Variants in STIM2 observed in about 807,000 individuals in gnomAD.
STIM2 encodes the protein stromal interaction molecule 2.
STIM2 carries 31 observed loss-of-function variants against 85.8 expected under a neutral mutation model. The ratio of observed to expected loss-of-function variants is 0.36; its 90% CI spans 0.27 to 0.49. The LOEUF is 0.49. STIM2 is among the 20% of genes least tolerant of loss of function. The pLI, the probability that STIM2 is intolerant of heterozygous loss-of-function variation, is 0.98. For synonymous variants in STIM2, 356 were observed against 331.1 expected (o/e 1.08, Z -0.82); for missense variants, 841 against 927.6 (o/e 0.91, Z 1.21).
At chr4:26,979,248 A>T (rs1361585530) in intron 3 of STIM2, among the ~76,000 whole-genome samples, 1 of 152,178 alleles carries the variant, frequency 6.6e-6, no homozygotes, top group Non-Finnish European at 1.5e-5. Context: ...GGTATTTTTA[A>T]AAGCATCAAT....
chr4:26,961,001 C>G (rs10939143), intron 3 of STIM2, among the ~76,000 whole-genome samples: 37,512 of 148,840 alleles, frequency 0.25, 4,809 homozygotes, highest in East Asian at 0.38. Context: ...GAGTGCGCTA[C>G]TGCACTCCGT....
chr4:26,873,967 TC>T, intron 1 of STIM2: 1 of 1,086,012 alleles, frequency 9.2e-7, no homozygotes, highest in Non-Finnish European at 1.4e-6. Context: ...GAGTCAGGGA[TC>T]CACTGCTCTT....
At chr4:26,931,580 T>A (rs1725206132) in intron 2 of STIM2, among the ~76,000 whole-genome samples, 1 of 152,138 alleles carries the variant, frequency 6.6e-6, no homozygotes, top group Non-Finnish European at 1.5e-5. Flanking sequence ...AGTTATCTAT[T>A]GAGTAGAGCT....
intron 3 of STIM2, among the ~76,000 whole-genome samples, chr4:26,966,336 T>C (rs1183837990): frequency 1.3e-5 from 2 of 152,160 alleles, no homozygotes; most frequent in African/African-American, 4.8e-5. Flanking sequence ...ACTCAGGAAA[T>C]AGTTTTAGAT....
chr4:26,984,419 A>G (rs1409376610), intron 3 of STIM2, among the ~76,000 whole-genome samples: 1 of 152,204 alleles, frequency 6.6e-6, no homozygotes, highest in African/African-American at 2.4e-5. Flanking sequence ...GGAATGCAGT[A>G]GCGTGATCTC....
At chr4:26,967,149 G>T (rs191935304) in intron 3 of STIM2, among the ~76,000 whole-genome samples, 1 of 152,096 alleles carries the variant, frequency 6.6e-6, no homozygotes, top group South Asian at 2.1e-4. Flanking sequence ...GAAATTTATC[G>T]TTTTTATTTC....
chr4:26,891,861 A>ATGTGGGTTGGCTC (rs1279043127), intron 1 of STIM2, among the ~76,000 whole-genome samples: 1 of 152,152 alleles, frequency 6.6e-6, no homozygotes, highest in African/African-American at 2.4e-5. Context: ...TGTTCAGGTG[A>ATGTGGGTTGGCTC]TGTGGGTTGG....
At chr4:26,988,508 A>G (rs1171870210) in intron 3 of STIM2, among the ~76,000 whole-genome samples, 1 of 152,212 alleles carries the variant, frequency 6.6e-6, no homozygotes. Context: ...ACCATAAACT[A>G]TCTGTGGTAC....
chr4:27,003,252 T>C, intron 7 of STIM2, 148 bp downstream of exon 7: 1 of 704,064 alleles, frequency 1.4e-6, no homozygotes, highest in Non-Finnish European at 2.1e-6. Context: ...TTGTTAGCAT[T>C]GATCAAAGTT....
intron 1 of STIM2, among the ~76,000 whole-genome samples, chr4:26,880,684 T>A (rs570551252): frequency 1.3e-3 from 191 of 146,162 alleles, no homozygotes; most frequent in Non-Finnish European, 2.3e-3. Flanking sequence ...TATATGTAAA[T>A]ATATATATAT....
intron 1 of STIM2, among the ~76,000 whole-genome samples, chr4:26,901,638 C>A (rs761456378): frequency 1.3e-5 from 2 of 151,936 alleles, no homozygotes; most frequent in Admixed American, 1.3e-4. Flanking sequence ...ATTTATTATT[C>A]TTTCTTTATT....
chr4:27,007,825 G>A, intron 8 of STIM2, 125 bp downstream of exon 8: 1 of 1,039,752 alleles, frequency 9.6e-7, no homozygotes, highest in Non-Finnish European at 1.4e-6. Flanking sequence ...TTTTCAAACT[G>A]GAACTTATTG....
chr4:26,893,877 G>C (rs1338284047), intron 1 of STIM2, among the ~76,000 whole-genome samples: 3 of 151,748 alleles, frequency 2.0e-5, no homozygotes, highest in African/African-American at 7.3e-5. Context: ...TTGAGTTGGA[G>C]TGTTTTTTTC....
chr4:26,952,444 A>G (rs1467941277), intron 2 of STIM2, among the ~76,000 whole-genome samples: 1 of 152,176 alleles, frequency 6.6e-6, no homozygotes, highest in Non-Finnish European at 1.5e-5. Context: ...TGAAAAATAA[A>G]TGATTTACAA....
At chr4:26,865,125 T>G (rs1722354138) in intron 1 of STIM2, among the ~76,000 whole-genome samples, 1 of 152,200 alleles carries the variant, frequency 6.6e-6, no homozygotes, top group African/African-American at 2.4e-5. Context: ...ATTTACTGTA[T>G]TCTCTTTCTC....
chr4:26,899,150 T>G (rs7691908), intron 1 of STIM2, among the ~76,000 whole-genome samples: 6 of 151,878 alleles, frequency 4.0e-5, no homozygotes, highest in Non-Finnish European at 7.4e-5. Flanking sequence ...AGCATTAATG[T>G]TTAATTTTAT....
chr4:26,901,655 AT>A (rs1448049014), intron 1 of STIM2, among the ~76,000 whole-genome samples: 2 of 152,282 alleles, frequency 1.3e-5, no homozygotes, highest in East Asian at 3.9e-4. Flanking sequence ...TATTTTTAAA[AT>A]TTATTCACAG....
chr4:26,881,943 G>A (rs980434151), intron 1 of STIM2, among the ~76,000 whole-genome samples: 57 of 152,220 alleles, frequency 3.7e-4, no homozygotes, highest in African/African-American at 6.5e-4. Context: ...TATATTTTAC[G>A]GTTTAAAAAA....
At chr4:27,007,769 C>A in intron 8 of STIM2, 69 bp downstream of exon 8, 1 of 1,412,928 alleles carries the variant, frequency 7.1e-7, no homozygotes, top group East Asian at 2.5e-5. Context: ...GATTACTCAG[C>A]TGGGATACAC....
Sources: allele counts gnomAD v4.1 joint callset (sites outside exome capture counted in the v4.1 genomes callset), GRCh38; gene constraint gnomAD v4.1.1; transcripts MANE v1.5; gene names NCBI Gene and HGNC (gene_info 2026-07-23, HGNC 2026-07-21).